The following SPNS3 variants were observed in gnomAD, a reference collection of about 807,000 sequenced individuals.
SPNS3 encodes the protein SPNS lysolipid transporter 3, sphingosine-1-phosphate (putative).
In SPNS3, 51 loss-of-function variants were observed where a neutral mutation model predicts 54.4. The observed-to-expected ratio is 0.94, with a 90% CI of 0.75 to 1.18. The LOEUF (loss-of-function observed/expected upper bound fraction) is 1.18. Among genes scored for constraint, SPNS3 ranks in the 50% most tolerant of loss-of-function variants. The pLI, the probability that SPNS3 is intolerant of heterozygous loss-of-function variation, is 0.00. For missense variants in SPNS3, 669 were observed against 677.4 expected (o/e 0.99, Z 0.14); for synonymous variants, 309 against 294.7 (o/e 1.05, Z -0.50).
Position 4,448,290 on chromosome 17 carries a change from T to A in SPNS3, c.757T>A (p.Tyr253Asn). ...GAGCAGCTGGTGTGAGGACGTCAGATACCTGGGGAAAAAGTGAGTATCCCT... is the reference window on the plus strand; with the variant it reads ...GAGCAGCTGGTGTGAGGACGTCAGAAACCTGGGGAAAAAGTGAGTATCCCT... ...FRSSWCEDVR[Y>N]LGKNWSFVWS... Residue 253 changes from tyrosine to asparagine, a missense_variant, in exon 6 of 12, where the codon TAC (tyrosine) becomes AAC (asparagine). Physicochemically the swap from Tyr to Asn is moderately radical, Grantham distance 143 (BLOSUM62 -2). Coordinates refer to ENST00000355530, the MANE Select transcript of SPNS3 (RefSeq NM_182538.5). 6.4e-7 allele frequency: 1 copy of A among 1,567,122 alleles called. No homozygotes were observed. The highest frequency in any genetic ancestry group is 8.6e-7 in the Non-Finnish European group (1 of 1,157,858).
intron 7 of SPNS3, 108 bp downstream of exon 7, chr17:4,449,495 G>A: frequency 7.5e-7 from 1 of 1,325,636 alleles, no homozygotes; most frequent in Non-Finnish European, 1.0e-6. Context: ...TGGGGCATTT[G>A]GTGCTGTGTG....
At position 4,446,039 on chromosome 17, in the gene SPNS3, C is replaced by T. The variant is rs978575080; in HGVS notation, c.403-9C>T. On this transcript the variant is annotated splice_polypyrimidine_tract_variant and intron_variant, in intron 3 of 11. Transcript: ENST00000355530. ...GGAACTCACCGTGGTCTTGTGCCTG[C>T]TCGCCCAGTATTCTTGGCTCTTCTT... 8 of 1,598,152 alleles carry T rather than the reference C, an allele frequency of 5.0e-6. No individual in the cohort carries two copies. The highest frequency in any genetic ancestry group is 6.8e-6 in the Non-Finnish European group (8 of 1,169,324).
chr17:4,446,076 G>T lies in SPNS3; in HGVS notation c.431G>T (p.Gly144Val), dbSNP rs756360409. Residue 144 changes from glycine to valine, a missense_variant, in exon 4 of 12, where the codon GGC (glycine) becomes GTC (valine). Physicochemically the swap from Gly to Val is moderately radical, Grantham distance 109. Transcript: ENST00000355530. ...TCTTGGCTCTTCTTCCTGTCCCGGG[G>T]CATCGTGGGCACTGGCTCGGCCAGC... is the stretch of plus-strand genomic sequence containing the variant. The part of the protein sequence containing the change: ...RYSWLFFLSR[G>V]IVGTGSASYS... The T allele has an allele frequency of 1.8e-5, 29 of 1,611,484 alleles. No homozygotes were observed. Among genetic ancestry groups the T allele is most frequent in the Admixed American group, 8.4e-5 (5 of 59,810 alleles).
chr17:4,469,484 C>G (rs1399712679), intron 8 of SPNS3, among the ~76,000 whole-genome samples: 1 of 151,942 alleles, frequency 6.6e-6, no homozygotes, highest in Admixed American at 6.6e-5. Context: ...CCGAGGGTGA[C>G]GGTGGGTGCC....
intron 9 of SPNS3, among the ~76,000 whole-genome samples, chr17:4,482,828 C>A (rs546070447): frequency 1.3e-5 from 2 of 152,334 alleles, no homozygotes; most frequent in South Asian, 4.1e-4. Context: ...GCCAGCTCAC[C>A]CCAATCCCCC....
intron 5 of SPNS3, 26 bp downstream of exon 5, chr17:4,446,988 T>C (rs1420688157): frequency 9.9e-6 from 16 of 1,613,168 alleles, no homozygotes; most frequent in Non-Finnish European, 1.4e-5. Flanking sequence ...TTTTCTTCCC[T>C]CTGCTTTCCC....
chr17:4,464,352 T>C (rs1487966211), intron 8 of SPNS3, among the ~76,000 whole-genome samples: 10 of 152,250 alleles, frequency 6.6e-5, no homozygotes, highest in Non-Finnish European at 1.5e-4. Flanking sequence ...AGGTTTGTGC[T>C]CAGAGGAGGG....
chr17:4,457,121 G>T (rs1971336206), intron 8 of SPNS3, among the ~76,000 whole-genome samples: 2 of 152,228 alleles, frequency 1.3e-5, no homozygotes, highest in African/African-American at 4.8e-5. Context: ...GCTGGGTGCA[G>T]TGGCTGACGT....
Position 4,433,980 on chromosome 17 carries a change from A to C in SPNS3, c.13A>C (p.Met5Leu). 1 of 1,538,372 alleles carries C rather than the reference A, an allele frequency of 6.5e-7. No homozygotes were observed. The highest frequency in any genetic ancestry group is 8.8e-7 in the Non-Finnish European group (1 of 1,141,628). MAGG[M>L]SAECPEPGPG... ...GCTGCAGGCTGGCATGGCTGGGGGG[A>C]TGTCAGCGGAGTGCCCTGAGCCTGG... Residue 5 changes from methionine to leucine, a missense_variant, in exon 1 of 12, where the codon ATG (methionine) becomes CTG (leucine). By Grantham distance (15) the Met-to-Leu change is conservative (BLOSUM62 2). Coordinates refer to ENST00000355530, the MANE Select transcript of SPNS3 (RefSeq NM_182538.5).
At chr17:4,442,303 T>C (rs1460620850) in intron 2 of SPNS3, among the ~76,000 whole-genome samples, 2 of 151,698 alleles carry the variant, frequency 1.3e-5, no homozygotes, top group East Asian at 1.9e-4. Context: ...TTTGGGAGGC[T>C]GGGTGGATCA....
At chr17:4,444,824 C>T (rs1467056210) in intron 2 of SPNS3, among the ~76,000 whole-genome samples, 1 of 152,110 alleles carries the variant, frequency 6.6e-6, no homozygotes, top group Non-Finnish European at 1.5e-5. Context: ...GGTTTGGGGC[C>T]AGATTGAGGC....
intron 8 of SPNS3, among the ~76,000 whole-genome samples, chr17:4,456,160 C>T (rs1971308981): frequency 1.3e-5 from 2 of 152,088 alleles, no homozygotes; most frequent in South Asian, 4.1e-4. Flanking sequence ...CCATGTTGCC[C>T]AGCCTGGTCT....
At chr17:4,448,094 G>T (rs1230073040) in intron 5 of SPNS3, 61 bp from the exon 6 acceptor site, 2 of 1,472,472 alleles carry the variant, frequency 1.4e-6, no homozygotes, top group East Asian at 2.6e-5. Flanking sequence ...AGTTGCCCCC[G>T]GGGGTCCCTT....
At chr17:4,482,828 C>T (rs546070447) in intron 9 of SPNS3, among the ~76,000 whole-genome samples, 1 of 152,216 alleles carries the variant, frequency 6.6e-6, no homozygotes, top group Non-Finnish European at 1.5e-5. Context: ...GCCAGCTCAC[C>T]CCAATCCCCC....
chr17:4,443,041 G>T (rs1970893175), intron 2 of SPNS3, among the ~76,000 whole-genome samples: 1 of 151,952 alleles, frequency 6.6e-6, no homozygotes, highest in South Asian at 2.1e-4. Flanking sequence ...GGAATATGAG[G>T]ATATATACAT....
At chr17:4,445,836 C>T (rs1236715915) in intron 3 of SPNS3, among the ~76,000 whole-genome samples, 1 of 151,980 alleles carries the variant, frequency 6.6e-6, no homozygotes, top group Non-Finnish European at 1.5e-5. Flanking sequence ...AGGAAAAGGG[C>T]TCCCCTGGGC....
chr17:4,441,104 G>A (rs546383117), intron 2 of SPNS3, among the ~76,000 whole-genome samples: 3 of 152,248 alleles, frequency 2.0e-5, no homozygotes, highest in South Asian at 4.1e-4. Flanking sequence ...TGAAAATACA[G>A]TTTAAAAAAA....
Position 4,448,245 on chromosome 17 carries a change from G to A in SPNS3, c.712G>A (p.Gly238Arg). ...GGGAGCTGCCGAGACACAGGGGGAGGGGGCCGTGGGAGGCTTCAGGAGCAG... is the reference window on the plus strand; with the variant it reads ...GGGAGCTGCCGAGACACAGGGGGAGAGGGCCGTGGGAGGCTTCAGGAGCAG... ...PRGAAETQGE[G>R]AVGGFRSSWC... The change falls in exon 6 of 12, where the codon GGG becomes AGG. Residue 238 changes from glycine to arginine, a missense_variant. Gly to Arg is a moderately radical substitution (Grantham distance 125, BLOSUM62 -2). Coordinates refer to ENST00000355530, the MANE Select transcript of SPNS3 (RefSeq NM_182538.5). 6.3e-7 allele frequency: 1 copy of A among 1,599,392 alleles called. No individual in the cohort carries two copies. The highest frequency in any genetic ancestry group is 8.5e-7 in the Non-Finnish European group (1 of 1,173,906).
At chr17:4,467,714 G>A (rs922214306) in intron 8 of SPNS3, among the ~76,000 whole-genome samples, 3 of 152,170 alleles carry the variant, frequency 2.0e-5, no homozygotes, top group Admixed American at 1.3e-4. Context: ...TGTCGCCCAC[G>A]CTGGAGTGCG....
Sources: gnomAD v4.1 joint callset for allele counts (sites outside exome capture counted in the v4.1 genomes callset) on GRCh38, gnomAD v4.1.1 for gene constraint, MANE v1.5 for transcripts, NCBI Gene and HGNC (gene_info 2026-07-23, HGNC 2026-07-21) for gene names.